Variants in TAFA2 observed in about 807,000 individuals in gnomAD.
TAFA2 encodes the protein TAFA chemokine like family member 2, also known as chemokine-like protein TAFA-2.
Under a neutral mutation model 18.8 loss-of-function variants are expected in TAFA2, and 7 were observed. The ratio of observed to expected loss-of-function variants is 0.37; its 90% confidence interval spans 0.21 to 0.70. TAFA2 has a LOEUF of 0.70. TAFA2 is among the 30% of genes least tolerant of loss of function. The pLI, the probability that TAFA2 is intolerant of heterozygous loss-of-function variation, is 0.53. For synonymous variants in TAFA2, 60 were observed against 54.2 expected (o/e 1.11, Z -0.47); for missense variants, 122 against 158.1 (o/e 0.77, Z 1.23).
chr12:61,941,355 G>T (rs1404486245), intron 1 of TAFA2, among the ~76,000 whole-genome samples: 2 of 152,080 alleles, frequency 1.3e-5, no homozygotes, highest in African/African-American at 4.8e-5. Flanking sequence ...TTACACATTA[G>T]CTCACATAAC....
chr12:62,250,571 GT>G (rs1414796028), intron 1 of TAFA2, among the ~76,000 whole-genome samples: 5 of 151,822 alleles, frequency 3.3e-5, no homozygotes, highest in African/African-American at 7.2e-5. Context: ...AAAACTAGAG[GT>G]TTTTTTCCAT....
At chr12:62,239,148 C>G (rs1565786298) in intron 1 of TAFA2, among the ~76,000 whole-genome samples, 1 of 152,144 alleles carries the variant, frequency 6.6e-6, no homozygotes, top group Non-Finnish European at 1.5e-5. Context: ...TTCTCCCTGA[C>G]TGTTCAATCT....
At position 61,832,998 on chromosome 12, in the gene TAFA2, A is replaced by G. The variant is rs189610777; in HGVS notation, c.106+34322T>C. 3.2e-4 allele frequency among the ~76,000 whole-genome samples: 48 copies of G among 147,868 alleles called. No individual in the cohort carries two copies. In the East Asian group the frequency reaches 8.4e-3, roughly 26 times the overall value. ...GTCATTGTAGGGACTGATGTGGGAG[A>G]CATTATATAATATATAAATATATAT... On this transcript the variant is annotated intron_variant, in intron 2 of 4. Coordinates refer to ENST00000416284, the MANE Select transcript of TAFA2 (RefSeq NM_178539.5).
intron 1 of TAFA2, among the ~76,000 whole-genome samples, chr12:62,255,819 A>C: frequency 6.6e-6 from 1 of 152,130 alleles, no homozygotes; most frequent in Non-Finnish European, 1.5e-5. Context: ...ATACCACTGC[A>C]CTCCAGTCTG....
chr12:61,935,691 A>C lies in TAFA2; in HGVS notation c.-1-68265T>G, dbSNP rs79099213. ...AACTTTTGAACAAAACACAAAGAGA[A>C]ACAGAGATTTTAAACATCTGAATTC... On this transcript the variant is annotated intron_variant, in intron 1 of 4. Transcript: ENST00000416284. 4.1e-3 allele frequency among the ~76,000 whole-genome samples: 618 copies of C among 152,298 alleles called. 4 individuals carry two copies. Among genetic ancestry groups the C allele is most frequent in the African/African-American group, 0.014 (584 of 41,576 alleles).
chr12:61,832,752 T>C (rs1248787032), intron 2 of TAFA2, among the ~76,000 whole-genome samples: 3 of 152,004 alleles, frequency 2.0e-5, no homozygotes, highest in Admixed American at 6.6e-5. Flanking sequence ...ACATAGGACT[T>C]ATGATTCTCT....
intron 1 of TAFA2, among the ~76,000 whole-genome samples, chr12:61,940,654 C>A (rs1267707055): frequency 6.6e-6 from 1 of 152,104 alleles, no homozygotes; most frequent in Non-Finnish European, 1.5e-5. Flanking sequence ...AGAGTGATAC[C>A]CCCAGAATGG....
chr12:62,008,467 G>A (rs1229865585), intron 1 of TAFA2, among the ~76,000 whole-genome samples: 1 of 152,116 alleles, frequency 6.6e-6, no homozygotes, highest in Non-Finnish European at 1.5e-5. Flanking sequence ...AAATTTAAAT[G>A]TGTAAGTATA....
chr12:61,726,115 T>C (rs1035826329), intron 4 of TAFA2, among the ~76,000 whole-genome samples: 1 of 151,838 alleles, frequency 6.6e-6, no homozygotes, highest in Non-Finnish European at 1.5e-5. Flanking sequence ...TTCTAAAATA[T>C]AGAAATGTTT....
intron 1 of TAFA2, among the ~76,000 whole-genome samples, chr12:62,152,731 A>C (rs1592369080): frequency 6.6e-6 from 1 of 152,300 alleles, no homozygotes; most frequent in East Asian, 1.9e-4. Context: ...TGCCCAAATC[A>C]CCAGCATTAT....
intron 1 of TAFA2, among the ~76,000 whole-genome samples, chr12:62,164,603 A>G (rs1457291799): frequency 6.6e-6 from 1 of 152,160 alleles, no homozygotes; most frequent in African/African-American, 2.4e-5. Flanking sequence ...GTTTACCCAT[A>G]TGACAAACCT....
At chr12:62,064,542 A>C (rs913237700) in intron 1 of TAFA2, among the ~76,000 whole-genome samples, 2 of 152,080 alleles carry the variant, frequency 1.3e-5, no homozygotes, top group Non-Finnish European at 2.9e-5. Context: ...ACACCACTCA[A>C]ATCTGTTGGA....
At chr12:61,827,099 AG>A (rs1231878769) in intron 2 of TAFA2, 3 of 152,038 alleles carry the variant, frequency 2.0e-5, no homozygotes, top group African/African-American at 7.2e-5. Context: ...TTTTGGTCAA[AG>A]TGATGCCAAT....
intron 4 of TAFA2, among the ~76,000 whole-genome samples, chr12:61,726,051 C>T (rs1187330726): frequency 2.7e-5 from 4 of 150,080 alleles, no homozygotes; most frequent in African/African-American, 9.8e-5. Flanking sequence ...GCAAGTCACA[C>T]GTGGGGAAAT....
intron 1 of TAFA2, among the ~76,000 whole-genome samples, chr12:62,127,207 A>T (rs1263727378): frequency 6.6e-6 from 1 of 152,002 alleles, no homozygotes; most frequent in Non-Finnish European, 1.5e-5. Flanking sequence ...TTTGAGTGCA[A>T]GGTTATCAGA....
rs2062680713 is a variant in TAFA2, at chr12:62,203,621, T to C, written c.-130+55142A>G. 2.6e-5 allele frequency among the ~76,000 whole-genome samples: 4 copies of C among 152,334 alleles called. No homozygotes were observed. The South Asian group carries it at 8.3e-4, about 32-fold the overall frequency. On this transcript the variant is annotated intron_variant, in intron 1 of 5. Coordinates refer to the TAFA2 transcript ENST00000551619. ...CTTGTCTTTTTTTAATCTTCATTGG[T>C]TTAAAGTCTGTTTTGTCAGAAACTA...
At chr12:62,256,072 C>T (rs1356030916) in intron 1 of TAFA2, among the ~76,000 whole-genome samples, 1 of 152,050 alleles carries the variant, frequency 6.6e-6, no homozygotes, top group East Asian at 1.9e-4. Flanking sequence ...AGTTTGAGAC[C>T]AGCCTGGCCA....
chr12:61,984,990 A>T (rs1879764775), intron 1 of TAFA2, among the ~76,000 whole-genome samples: 1 of 152,232 alleles, frequency 6.6e-6, no homozygotes, highest in Non-Finnish European at 1.5e-5. Flanking sequence ...AAGTGAAAGG[A>T]ACTGAAGTTT....
In TAFA2 at chr12:61,799,584, A is replaced by G. The variant is rs58242361; in HGVS notation, c.107-44560T>C. On this transcript the variant is annotated intron_variant, in intron 2 of 4. Transcript: ENST00000416284. The stretch of plus-strand genomic sequence containing the variant: ...ACGCCTGTAACCCCAGCACTTTGGG[A>G]GGCCGAGGCGGGCGGATCACGAAGT... Among the ~76,000 whole-genome samples the G allele has an allele frequency of 5.7e-3, 872 of 152,290 alleles. 11 individuals carry two copies. The highest frequency in any genetic ancestry group is 0.02 in the African/African-American group (844 of 41,564).
Sources: gnomAD v4.1 joint callset for allele counts (sites outside exome capture counted in the v4.1 genomes callset) on GRCh38, gnomAD v4.1.1 for gene constraint, MANE v1.5 for transcripts, NCBI Gene and HGNC (gene_info 2026-07-23, HGNC 2026-07-21) for gene names.